The following KCNT1 variants were observed in gnomAD, a reference collection of about 807,000 sequenced individuals.
KCNT1 encodes potassium sodium-activated channel subfamily T member 1.
A neutral mutation model predicts 147.8 loss-of-function variants in KCNT1; 78 were observed. The observed-to-expected ratio is 0.53, with a 90% CI of 0.44 to 0.64. The LOEUF (loss-of-function observed/expected upper bound fraction) is 0.64, where lower values mean the gene tolerates loss of function less well. KCNT1 is among the 30% of genes least tolerant of loss of function. The pLI is 0.00. For synonymous variants in KCNT1, 867 were observed against 748.8 expected, an observed-to-expected ratio of 1.16 and a Z score of -2.58; for missense variants, 1,419 against 1,750.3, an observed-to-expected ratio of 0.81 and a Z score of 3.38.
chr9:135,785,983 T>C (rs1834013200), intron 28 of KCNT1: 3 of 578,236 alleles, frequency 5.2e-6, no homozygotes, highest in Non-Finnish European at 9.1e-6. Context: ...CCCGGCGATC[T>C]GTGCTCAGGA....
At chr9:135,765,913 G>A (rs543550672) in intron 13 of KCNT1, among the ~76,000 whole-genome samples, 153 bp downstream of exon 13, 1 of 152,188 alleles carries the variant, frequency 6.6e-6, no homozygotes, top group South Asian at 2.1e-4. Flanking sequence ...TAGGTGGACT[G>A]TCCAGGGTGG....
chr9:135,777,595 C>A lies in KCNT1; in HGVS notation c.2522+85C>A, dbSNP rs902911585. On this transcript the variant is annotated intron_variant, in intron 21 of 30. Transcript: ENST00000371757. ...AGCCTCCCCAACTGGGCCCACCCTT[C>A]GCCTTTGCAGAGGGCACGGGAACAT... 1.3e-5 allele frequency: 18 copies of A among 1,358,786 alleles called. No individual in the cohort carries two copies. The African/African-American group carries it at 2.5e-4, about 19-fold the overall frequency. The allele number at this position is 1,358,786 out of a possible 1,614,324, so 84.2% of individuals were successfully genotyped here. A position where few individuals can be genotyped will look rare whatever the true frequency, so the allele number is the denominator to read the frequency against.
In KCNT1 at chr9:135,772,923, G is replaced by C. The variant is rs143678590; in HGVS notation, c.2217G>C (p.Ser739=). 1 of 1,521,588 alleles carries C rather than the reference G, an allele frequency of 6.6e-7. No individual in the cohort carries two copies. Among genetic ancestry groups the C allele is most frequent in the Non-Finnish European group, 8.8e-7 (1 of 1,136,862 alleles). The allele number at this position is 1,521,588 out of a possible 1,614,324, so 94.3% of individuals were successfully genotyped here. The change falls in exon 19 of 31, where the codon TCG becomes TCC. Residue 739 remains serine, a synonymous_variant. Coordinates refer to ENST00000371757, the MANE Select transcript of KCNT1 (RefSeq NM_020822.3). ...SDQSEDEVTP[S]DDEGLSVVEY... ...AGTCGGAGGATGAGGTGACGCCGTC[G>C]GACGACGAGGGGCTCTCCGTGGTAG...
chr9:135,720,591 C>T (rs562017374), intron 2 of KCNT1, among the ~76,000 whole-genome samples: 2 of 152,236 alleles, frequency 1.3e-5, no homozygotes, highest in African/African-American at 4.8e-5. Context: ...AGCAGGGGGC[C>T]CAGGCAGCCT....
At position 135,783,726 on chromosome 9, in the gene KCNT1, C is replaced by T. The variant is rs72771903; in HGVS notation, c.2842-298C>T. On this transcript the variant is annotated intron_variant, in intron 24 of 30. Coordinates refer to ENST00000371757, the MANE Select transcript of KCNT1 (RefSeq NM_020822.3). ...GGATGGCAAGAGCAGGGCGCTTGAC[C>T]AAGCGCAGTGCCCATGGCAGCCGCC... 4.8e-3 allele frequency among the ~76,000 whole-genome samples: 728 copies of T among 152,368 alleles called. 2 individuals carry two copies. The highest frequency in any genetic ancestry group is 8.6e-3 in the Non-Finnish European group (582 of 68,040).
chr9:135,792,385 T>C lies in KCNT1; in HGVS notation c.*224T>C. On this transcript the variant is annotated 3_prime_UTR_variant, in exon 31 of 31. Transcript: ENST00000371757. Reference sequence around the variant, plus strand: ...TGAGGAGAGTTTTTTAACCTATTTTTACACGTCGATGCAGTCCACTTCTCT... The same window carrying C: ...TGAGGAGAGTTTTTTAACCTATTTTCACACGTCGATGCAGTCCACTTCTCT... 2 of 492,966 alleles carry C rather than the reference T, an allele frequency of 4.1e-6. No homozygotes were observed. Among genetic ancestry groups the C allele is most frequent in the South Asian group, 4.4e-5 (2 of 45,284 alleles). The allele number at this position is 492,966 out of a possible 1,614,324, so 30.5% of individuals were successfully genotyped here. A position where few individuals can be genotyped will look rare whatever the true frequency, so the allele number is the denominator to read the frequency against.
At chr9:135,751,721 AG>A (rs759947739) in intron 4 of KCNT1, among the ~76,000 whole-genome samples, 2 of 152,174 alleles carry the variant, frequency 1.3e-5, no homozygotes, top group Non-Finnish European at 2.9e-5. Flanking sequence ...TGTGGGTCCC[AG>A]GGGACATCAG....
chr9:135,742,433 C>G (rs934871188), intron 2 of KCNT1, among the ~76,000 whole-genome samples: 1 of 152,166 alleles, frequency 6.6e-6, no homozygotes, highest in Non-Finnish European at 1.5e-5. Context: ...TGGTTGTCAC[C>G]CCCCCATCTG....
intron 2 of KCNT1, among the ~76,000 whole-genome samples, chr9:135,733,161 G>A (rs1431056973): frequency 6.6e-6 from 1 of 151,450 alleles, no homozygotes; most frequent in Non-Finnish European, 1.5e-5. Context: ...TGTTGTCCTG[G>A]GTTAGTGCAG....
At chr9:135,778,293 G>A in intron 21 of KCNT1, 131 bp from the exon 22 acceptor site, 1 of 741,912 alleles carries the variant, frequency 1.3e-6, no homozygotes, top group East Asian at 2.7e-5. Context: ...TACTCCCCAG[G>A]TCCCATACGC....
intron 13 of KCNT1, among the ~76,000 whole-genome samples, chr9:135,766,181 T>A (rs1398424120): frequency 6.6e-6 from 1 of 150,928 alleles, no homozygotes; most frequent in East Asian, 2.0e-4. Context: ...GTGGGTCATC[T>A]GGGGTGAACT....
intron 13 of KCNT1, chr9:135,766,662 T>C (rs11103175): frequency 0.23 from 34,782 of 152,782 alleles, 4,068 homozygotes; most frequent in Middle Eastern, 0.33. Context: ...TGGGGTAGAC[T>C]GTCCGGGGCC....
chr9:135,772,922 C>G lies in KCNT1; in HGVS notation c.2216C>G (p.Ser739Trp). ...SDQSEDEVTPSDDEGLSVVEY... is the reference protein window; with the variant it reads ...SDQSEDEVTPWDDEGLSVVEY... The stretch of plus-strand genomic sequence containing the variant: ...CAGTCGGAGGATGAGGTGACGCCGT[C>G]GGACGACGAGGGGCTCTCCGTGGTA... Residue 739 changes from serine to tryptophan, a missense_variant, in exon 19 of 31, where the codon TCG (serine) becomes TGG (tryptophan). By Grantham distance (177) the Ser-to-Trp change is radical. This residue lies in a region of KCNT1 where 284 missense variants were observed against 292.8 expected (regional missense o/e 0.97). Coordinates refer to ENST00000371757, the MANE Select transcript of KCNT1 (RefSeq NM_020822.3). The G allele has an allele frequency of 2.0e-6, 3 of 1,525,692 alleles. No homozygotes were observed. Among genetic ancestry groups the G allele is most frequent in the Non-Finnish European group, 2.6e-6 (3 of 1,138,802 alleles). The allele number at this position is 1,525,692 out of a possible 1,614,324, so 94.5% of individuals were successfully genotyped here. A position where few individuals can be genotyped will look rare whatever the true frequency, so the allele number is the denominator to read the frequency against.
In KCNT1 at chr9:135,702,313, G is replaced by A. The variant is rs778657830; in HGVS notation, c.55G>A (p.Gly19Ser). 21 of 1,610,668 alleles carry A rather than the reference G, an allele frequency of 1.3e-5. No homozygotes were observed. Among genetic ancestry groups the A allele is most frequent in the Admixed American group, 5.0e-5 (3 of 59,902 alleles). ...TPGGVCREAR[G>S]GGYTNRTFEF... ...GGGGGGCGTCTGCCGGGAGGCGCGC[G>A]GCGGGGGCTACACCAACCGGACCTT... The change falls in exon 1 of 31, where the codon GGC (glycine) becomes AGC (serine). Residue 19 changes from glycine (G) to serine (S), a missense_variant. Physicochemically the swap from Gly to Ser is moderately conservative, Grantham distance 56. Around this residue, in one of 5 missense-constraint regions of KCNT1, gnomAD observed 181 missense variants for 155.7 expected, o/e 1.16. Coordinates refer to ENST00000371757, the MANE Select transcript of KCNT1 (RefSeq NM_020822.3).
intron 29 of KCNT1, chr9:135,791,347 G>C (rs1564400731): frequency 4.8e-6 from 1 of 207,686 alleles, no homozygotes; most frequent in Non-Finnish European, 9.7e-6. Flanking sequence ...GATCTGTGCA[G>C]ACACACAAAT....
chr9:135,723,677 TG>T (rs922299169), intron 2 of KCNT1, among the ~76,000 whole-genome samples: 2 of 152,178 alleles, frequency 1.3e-5, no homozygotes, highest in African/African-American at 4.8e-5. Context: ...GCTCTCCTGG[TG>T]GGTGTCCGGA....
chr9:135,740,409 G>A (rs1445721669), intron 2 of KCNT1, among the ~76,000 whole-genome samples: 3 of 152,224 alleles, frequency 2.0e-5, no homozygotes, highest in Non-Finnish European at 4.4e-5. Flanking sequence ...GTGGGGTGCA[G>A]AGGGACACTC....
chr9:135,768,246 G>GA (rs1362319399), intron 13 of KCNT1, among the ~76,000 whole-genome samples: 1 of 39,382 alleles, frequency 2.5e-5, no homozygotes, highest in African/African-American at 6.5e-5. Context: ...CCTGCGGGGG[G>GA]GGGGGGGGGG....
In KCNT1 at chr9:135,771,082, C is replaced by T. The variant is rs757811625; in HGVS notation, c.1995C>T (p.Ile665=). The change falls in exon 18 of 31, where the codon ATC becomes ATT. Residue 665 remains isoleucine (I), a synonymous_variant. Transcript: ENST00000371757. Reference sequence around the variant, plus strand: ...CGGCCCGCCTGCCCGTGCACAGCATCATCGCCTCCATGGGTGAGCCGGGAC... The same window carrying T: ...CGGCCCGCCTGCCCGTGCACAGCATTATCGCCTCCATGGGTGAGCCGGGAC... ...EGPARLPVHS[I]IASMGTVAMD... The T allele has an allele frequency of 1.6e-4, 253 of 1,610,862 alleles. No individual in the cohort carries two copies. Among genetic ancestry groups the T allele is most frequent in the Non-Finnish European group, 2.0e-4 (240 of 1,178,726 alleles).
Sources: gnomAD v4.1 joint callset for allele counts (sites outside exome capture counted in the v4.1 genomes callset) on GRCh38, gnomAD v4.1.1 for gene constraint, gnomAD v4.1.1 regional missense constraint, MANE v1.5 for transcripts, NCBI Gene and HGNC (gene_info 2026-07-23, HGNC 2026-07-21) for gene names.